GYS2: variants seen among roughly 807,000 people sequenced by gnomAD.
GYS2 encodes glycogen synthase 2.
A neutral mutation model predicts 85.6 loss-of-function variants in GYS2; 80 were observed. The observed-to-expected ratio is 0.93, with a 90% CI of 0.78 to 1.13. The LOEUF is 1.13. Ranked by LOEUF, GYS2 falls within the 50% of genes most tolerant of loss-of-function variation. The probability of loss-of-function intolerance (pLI) is 0.00; values close to 1 mark genes in which losing one functional copy is unlikely to be tolerated. For missense variants in GYS2, 881 were observed against 854.9 expected (o/e 1.03, Z -0.38); for synonymous variants, 328 against 300.7 (o/e 1.09, Z -0.94).
intron 1 of GYS2, among the ~76,000 whole-genome samples, chr12:21,593,314 G>A (rs1329844928): frequency 8.3e-6 from 1 of 121,192 alleles, no homozygotes; most frequent in Non-Finnish European, 1.8e-5. Flanking sequence ...CAACAACAAG[G>A]GATTAGCAAA....
intron 1 of GYS2, among the ~76,000 whole-genome samples, chr12:21,603,155 T>A (rs1357830339): frequency 2.6e-5 from 4 of 152,132 alleles, no homozygotes; most frequent in Admixed American, 2.6e-4. Context: ...TAAAGATCTC[T>A]GAGGAAAAGA....
intron 12 of GYS2, among the ~76,000 whole-genome samples, chr12:21,543,354 T>G (rs187956365): frequency 1.3e-4 from 20 of 152,254 alleles, no homozygotes; most frequent in Admixed American, 1.2e-3. Flanking sequence ...TTTAGCTGTA[T>G]AGCTGTGGAG....
Position 21,604,527 on chromosome 12 carries a change from T to A in GYS2, c.66A>T (p.Glu22Asp). The A allele has an allele frequency of 6.2e-7, 1 of 1,612,860 alleles. No individual in the cohort carries two copies. Among genetic ancestry groups the A allele is most frequent in the Middle Eastern group, 1.7e-4 (1 of 6,032 alleles). Reference sequence around the variant, plus strand: ...AGAGCAGTAACTCCTCCACAGGAAGTTCTTCGACTTCCCACTGGGGAAGCC... The same window carrying A: ...AGAGCAGTAACTCCTCCACAGGAAGATCTTCGACTTCCCACTGGGGAAGCC... The part of the protein sequence containing the change: ...LGGLPQWEVE[E>D]LPVEELLLFE... Residue 22 changes from glutamate to aspartate, a missense_variant, in exon 1 of 16, where the codon GAA (glutamate) becomes GAT (aspartate). By Grantham distance (45) the Glu-to-Asp change is conservative. Transcript: ENST00000261195.
intron 2 of GYS2, among the ~76,000 whole-genome samples, chr12:21,578,011 T>A (rs1311901418): frequency 1.3e-5 from 2 of 152,192 alleles, no homozygotes; most frequent in Non-Finnish European, 2.9e-5. Flanking sequence ...AAGACTTTCA[T>A]GTCCACCTGA....
chr12:21,590,563 C>A (rs148401376), intron 1 of GYS2, among the ~76,000 whole-genome samples: 1 of 152,266 alleles, frequency 6.6e-6, no homozygotes, highest in Non-Finnish European at 1.5e-5. Flanking sequence ...CCTGCAGTTG[C>A]TACAGCCATC....
intron 12 of GYS2, among the ~76,000 whole-genome samples, chr12:21,543,522 C>T (rs1461996152): frequency 6.6e-6 from 1 of 152,132 alleles, no homozygotes; most frequent in Non-Finnish European, 1.5e-5. Flanking sequence ...CAGACTTCCT[C>T]CTGGACTCAG....
At position 21,537,258 on chromosome 12, in the gene GYS2, T is replaced by A. The variant is rs1943921048; in HGVS notation, c.1891-83A>T. ...GTAAATACTATGCATGCACTATCAA[T>A]TTTTTAAGTAGTTATCTATCTTTTG... On this transcript the variant is annotated intron_variant, in intron 15 of 15. Coordinates refer to ENST00000261195, the MANE Select transcript of GYS2 (RefSeq NM_021957.4). 3.2e-6 allele frequency: 3 copies of A among 924,550 alleles called. No individual in the cohort carries two copies. The East Asian group carries it at 7.7e-5, about 24-fold the overall frequency. 57.3% of individuals were successfully genotyped at this position (924,550 alleles called of 1,614,324 possible). A position where few individuals can be genotyped will look rare whatever the true frequency, so the allele number is the denominator to read the frequency against.
chr12:21,583,478 G>T (rs1328059570), intron 1 of GYS2, among the ~76,000 whole-genome samples: 2 of 152,184 alleles, frequency 1.3e-5, no homozygotes, highest in African/African-American at 4.8e-5. Context: ...CAGAACAGAA[G>T]GCTCTGCCAC....
At chr12:21,592,880 A>T (rs1944654926) in intron 1 of GYS2, among the ~76,000 whole-genome samples, 1 of 152,084 alleles carries the variant, frequency 6.6e-6, no homozygotes, top group Non-Finnish European at 1.5e-5. Context: ...CATATGTTAG[A>T]ACACAAAAGA....
Position 21,537,168 on chromosome 12 carries a change from C to A in GYS2, c.1898G>T (p.Gly633Val). ...VELTSPPTTE[G>V]FKYPRPSSVP... ...TGAGGAAGGCCTGGGATATTTAAAT[C>A]CTTCTGTCTGCCAAAGACAAAAATA... is the stretch of plus-strand genomic sequence containing the variant. Residue 633 changes from glycine (G) to valine (V), a missense_variant, in exon 16 of 16, where the codon GGA (glycine) becomes GTA (valine). Physicochemically the swap from Gly to Val is moderately radical, Grantham distance 109. Transcript: ENST00000261195. 4 of 1,612,626 alleles carry A rather than the reference C, an allele frequency of 2.5e-6. No homozygotes were observed. Among genetic ancestry groups the A allele is most frequent in the South Asian group, 1.1e-5 (1 of 91,038 alleles).
intron 1 of GYS2, among the ~76,000 whole-genome samples, chr12:21,581,164 T>C (rs1470500458): frequency 1.3e-5 from 2 of 152,202 alleles, no homozygotes; most frequent in African/African-American, 2.4e-5. Flanking sequence ...TCTCACATGG[T>C]ATTTCTCTCT....
chr12:21,535,598 C>CT (rs1475598707), downstream of GYS2, among the ~76,000 whole-genome samples: 2 of 152,150 alleles, frequency 1.3e-5, no homozygotes, highest in Non-Finnish European at 2.9e-5. Flanking sequence ...CAGTTTTCTA[C>CT]TTTTTTCTAG....
At chr12:21,590,602 C>T (rs1944627289) in intron 1 of GYS2, among the ~76,000 whole-genome samples, 1 of 152,146 alleles carries the variant, frequency 6.6e-6, no homozygotes, top group Non-Finnish European at 1.5e-5. Flanking sequence ...GTCCAGAAGC[C>T]TGAGGACCCA....
rs763374255 is a variant in GYS2, at chr12:21,559,187, T to A, written c.1230-18A>T. The A allele has an allele frequency of 1.2e-5, 18 of 1,491,366 alleles. No individual in the cohort carries two copies. The highest frequency in any genetic ancestry group is 1.7e-5 in the Non-Finnish European group (18 of 1,069,702). The allele number at this position is 1,491,366 out of a possible 1,614,324, so 92.4% of individuals were successfully genotyped here. On this transcript the variant is annotated intron_variant, in intron 9 of 15. Transcript: ENST00000261195. ...TTTCTCCTCTGCAGGGAAAAAATGT[T>A]AATAACAAAAATAAAAACAGCTGGC... is the stretch of plus-strand genomic sequence containing the variant.
chr12:21,559,661 C>T lies in GYS2; in HGVS notation c.1219G>A (p.Ala407Thr), dbSNP rs750784003. 3 of 1,558,232 alleles carry T rather than the reference C, an allele frequency of 1.9e-6. No individual in the cohort carries two copies. Among genetic ancestry groups the T allele is most frequent in the South Asian group, 1.1e-5 (1 of 89,984 alleles). ...ATTTCAAGCACCTACCTTAATAATG[C>T]ATCATAGAGTTTTTTTCCAAACTTT... ...KEKFGKKLYD[A>T]LLRGEIPDLN... Residue 407 changes from alanine (A) to threonine (T), a missense_variant, in exon 9 of 16, where the codon GCA becomes ACA. Transcript: ENST00000261195.
chr12:21,552,179 A>C (rs1277469422), intron 11 of GYS2, among the ~76,000 whole-genome samples: 1 of 152,158 alleles, frequency 6.6e-6, no homozygotes, highest in East Asian at 1.9e-4. Flanking sequence ...AGGAAAAACA[A>C]AACAAGAAAC....
At chr12:21,567,599 G>A (rs191298504) in intron 5 of GYS2, among the ~76,000 whole-genome samples, 10 of 150,638 alleles carry the variant, frequency 6.6e-5, no homozygotes, top group Admixed American at 5.3e-4. Flanking sequence ...TCTGAAAGAA[G>A]GACAACTAGA....
In GYS2 at chr12:21,590,757, C is replaced by G. The variant is rs1266242463; in HGVS notation, c.122-10234G>C. On this transcript the variant is annotated intron_variant, in intron 1 of 15. Transcript: ENST00000261195. The stretch of plus-strand genomic sequence containing the variant: ...AGGACAGGAATGCTAGGCCCACCAC[C>G]ACCACTGGGGCCAAGGACTGGCCCA... 3.9e-5 allele frequency among the ~76,000 whole-genome samples: 6 copies of G among 152,192 alleles called. 1 individual carries two copies. The highest frequency in any genetic ancestry group is 3.3e-4 in the Admixed American group (5 of 15,278).
At chr12:21,595,251 C>A (rs992307263) in intron 1 of GYS2, among the ~76,000 whole-genome samples, 7 of 152,180 alleles carry the variant, frequency 4.6e-5, no homozygotes, top group Non-Finnish European at 8.8e-5. Context: ...ACTGCAAGAA[C>A]AAACCAGCAA....
Sources: gnomAD v4.1 joint callset for allele counts (sites outside exome capture counted in the v4.1 genomes callset) on GRCh38, gnomAD v4.1.1 for gene constraint, MANE v1.5 for transcripts, NCBI Gene and HGNC (gene_info 2026-07-23, HGNC 2026-07-21) for gene names.